The following KCNQ1OT1 variants were observed in gnomAD, a reference collection of about 807,000 sequenced individuals.
The protein encoded by KCNQ1OT1 is KCNQ1 opposite strand/antisense transcript 1.
Position 2,642,432 on chromosome 11 carries a change from CT to C in KCNQ1OT1, n.57562del, listed in dbSNP as rs1242610189. 7.5e-6 allele frequency: 3 copies of C among 398,000 alleles called. No individual in the cohort carries two copies. The highest frequency in any genetic ancestry group is 1.3e-5 in the Non-Finnish European group (3 of 225,764). 24.7% of individuals were successfully genotyped at this position (398,000 alleles called of 1,614,324 possible). On this transcript the variant is annotated non_coding_transcript_exon_variant, in exon 1 of 1. Transcript: ENST00000597346. The surrounding 1 kb of genome is among the most constrained non-coding windows in gnomAD (Gnocchi z 4.3). ...TCTTTATTGGTATATAGAAATAAGC[CT>C]GATTTTTAAATCCTGTAACTGTAAT...
chr11:2,621,532 G>A lies in KCNQ1OT1; in HGVS notation n.78463C>T, dbSNP rs1236515751. The A allele has an allele frequency of 1.8e-5, 7 of 398,336 alleles. No homozygotes were observed. Among genetic ancestry groups the A allele is most frequent in the Non-Finnish European group, 2.7e-5 (6 of 226,036 alleles). 24.7% of individuals were successfully genotyped at this position (398,336 alleles called of 1,614,324 possible). On this transcript the variant is annotated non_coding_transcript_exon_variant, in exon 1 of 1. Transcript: ENST00000597346. This position sits in a 1 kb window ranked among gnomAD's most constrained non-coding sequence, Gnocchi z 5.7. ...CTCTGTTGATAATTTCTTTTGCTAT[G>A]CAGAAGCTCTTTAGTTTACCACTGT...
In KCNQ1OT1 at chr11:2,645,917, T is replaced by C; in HGVS notation, n.54078A>G. On this transcript the variant is annotated non_coding_transcript_exon_variant, in exon 1 of 1. Coordinates refer to ENST00000597346, the Ensembl canonical transcript of KCNQ1OT1. This position sits in a 1 kb window ranked among gnomAD's most constrained non-coding sequence, Gnocchi z 5.8. ...AGCTGTTCATTGCCATTTCACAGTC[T>C]GTAGGTAGCCTCTTGTTAGTCTCAA... is the stretch of plus-strand genomic sequence containing the variant. 2.5e-6 allele frequency: 1 copy of C among 398,630 alleles called. No homozygotes were observed. The highest frequency in any genetic ancestry group is 3.6e-5 in the East Asian group (1 of 28,082). 24.7% of individuals were successfully genotyped at this position (398,630 alleles called of 1,614,324 possible). A position where few individuals can be genotyped will look rare whatever the true frequency, so the allele number is the denominator to read the frequency against.
At position 2,673,512 on chromosome 11, in the gene KCNQ1OT1, C is replaced by G. The variant is rs1188936951; in HGVS notation, n.26483G>C. Reference sequence around the variant, plus strand: ...TGCTCATCACAACCACTTGTTGATGCTGACAGCCTGTAGAAAGATTGCTCT... The same window carrying G: ...TGCTCATCACAACCACTTGTTGATGGTGACAGCCTGTAGAAAGATTGCTCT... On this transcript the variant is annotated non_coding_transcript_exon_variant, in exon 1 of 1. Transcript: ENST00000597346. This position sits in a 1 kb window ranked among gnomAD's most constrained non-coding sequence, Gnocchi z 4.5. 1 of 398,522 alleles carries G rather than the reference C, an allele frequency of 2.5e-6. No individual in the cohort carries two copies. The allele number at this position is 398,522 out of a possible 1,614,324, so 24.7% of individuals were successfully genotyped here. A position where few individuals can be genotyped will look rare whatever the true frequency, so the allele number is the denominator to read the frequency against.
rs1850584816 is a variant in KCNQ1OT1 at position 2,691,359 on chromosome 11, A to T, written n.8636T>A. On this transcript the variant is annotated non_coding_transcript_exon_variant, in exon 1 of 1. Transcript: ENST00000597346. The surrounding 1 kb of genome is among the most constrained non-coding windows in gnomAD (Gnocchi z 6.4). Reference sequence around the variant, plus strand: ...ACTTACAGTGACCACCCATCCTGACATCTTGGGCTCAGGCCTCTGGGTCTG... The same window carrying T: ...ACTTACAGTGACCACCCATCCTGACTTCTTGGGCTCAGGCCTCTGGGTCTG... 2.5e-6 allele frequency: 1 copy of T among 398,506 alleles called. No individual in the cohort carries two copies. Among genetic ancestry groups the T allele is most frequent in the Admixed American group, 4.4e-5 (1 of 22,710 alleles). The allele number at this position is 398,506 out of a possible 1,614,324, so 24.7% of individuals were successfully genotyped here.
chr11:2,660,134 G>T, exon 1 of KCNQ1OT1: 1 of 398,334 alleles, frequency 2.5e-6, no homozygotes, highest in East Asian at 3.6e-5. Flanking sequence ...AGGTCCTGGA[G>T]ATTTTCTCTT....
chr11:2,641,056 A>G, exon 1 of KCNQ1OT1: 1 of 398,294 alleles, frequency 2.5e-6, no homozygotes. Context: ...TTCTTTTTCC[A>G]TTTATCCACT....
rs536766478 is a variant in KCNQ1OT1, at chr11:2,642,456, A to C, written n.57539T>G. ...CCTGATTTTTAAATCCTGTAACTGTAATCAATTTATTGATCAGACTGAAGA... is the reference window on the plus strand; with the variant it reads ...CCTGATTTTTAAATCCTGTAACTGTCATCAATTTATTGATCAGACTGAAGA... On this transcript the variant is annotated non_coding_transcript_exon_variant, in exon 1 of 1. Transcript: ENST00000597346. This position sits in a 1 kb window ranked among gnomAD's most constrained non-coding sequence, Gnocchi z 4.3. The C allele has an allele frequency of 2.5e-6, 1 of 398,034 alleles. No homozygotes were observed. Among genetic ancestry groups the C allele is most frequent in the Non-Finnish European group, 4.4e-6 (1 of 225,728 alleles). 24.7% of individuals were successfully genotyped at this position (398,034 alleles called of 1,614,324 possible). A position where few individuals can be genotyped will look rare whatever the true frequency, so the allele number is the denominator to read the frequency against.
Position 2,621,019 on chromosome 11 carries a change from C to T in KCNQ1OT1, n.78976G>A. 2.5e-6 allele frequency: 1 copy of T among 396,632 alleles called. No individual in the cohort carries two copies. The highest frequency in any genetic ancestry group is 4.4e-6 in the Non-Finnish European group (1 of 225,744). The allele number at this position is 396,632 out of a possible 1,614,324, so 24.6% of individuals were successfully genotyped here. The stretch of plus-strand genomic sequence containing the variant: ...TTGAGAAAGAGTCTTGCTCTGTCTC[C>T]CAGGCTGGAGTGCAGTGGCGCAATC... On this transcript the variant is annotated non_coding_transcript_exon_variant, in exon 1 of 1. Transcript: ENST00000597346. This position sits in a 1 kb window ranked among gnomAD's most constrained non-coding sequence, Gnocchi z 5.7.
rs866082262 is a variant in KCNQ1OT1 at position 2,628,741 on chromosome 11, T to C, written n.71254A>G. 1.5e-4 allele frequency: 59 copies of C among 398,428 alleles called. 1 individual carries two copies. In the Middle Eastern group the frequency reaches 9.5e-3, roughly 64 times the overall value. 24.7% of individuals were successfully genotyped at this position (398,428 alleles called of 1,614,324 possible). On this transcript the variant is annotated non_coding_transcript_exon_variant, in exon 1 of 1. Coordinates refer to ENST00000597346, the Ensembl canonical transcript of KCNQ1OT1. ...AATGGCAAGGAGCTTTTCCCTGTTT[T>C]ATAGGTTTTATGGTTTCAGGTCATA...
At chr11:2,662,227 C>A in exon 1 of KCNQ1OT1, 1 of 1,052,702 alleles carries the variant, frequency 9.5e-7, no homozygotes, top group Non-Finnish European at 1.4e-6. Context: ...CTGGCCCCAA[C>A]ACGGAGGCAC....
At chr11:2,629,163 A>G (rs1289778795) in exon 1 of KCNQ1OT1, 3 of 398,180 alleles carry the variant, frequency 7.5e-6, no homozygotes, top group Non-Finnish European at 1.3e-5. Flanking sequence ...ATTGCCTTGA[A>G]TCTGTAGATC....
exon 1 of KCNQ1OT1, chr11:2,633,111 A>T: frequency 2.5e-6 from 1 of 398,482 alleles, no homozygotes; most frequent in East Asian, 3.6e-5. Context: ...AGCCATTCTA[A>T]CTGAGGTGAA....
At position 2,654,203 on chromosome 11, in the gene KCNQ1OT1, C is replaced by T. The variant is rs1229595443; in HGVS notation, n.45792G>A. ...GTGGGGCTGCGGCTCAGCAATGTCA[C>T]GCAGGGCCTGGCTGCAGCTGTCCGG... On this transcript the variant is annotated non_coding_transcript_exon_variant, in exon 1 of 1. Coordinates refer to ENST00000597346, the Ensembl canonical transcript of KCNQ1OT1. The surrounding 1 kb of genome is among the most constrained non-coding windows in gnomAD (Gnocchi z 6.4). 2.5e-5 allele frequency: 10 copies of T among 398,658 alleles called. No individual in the cohort carries two copies. The highest frequency in any genetic ancestry group is 1.8e-4 in the East Asian group (5 of 28,080). The allele number at this position is 398,658 out of a possible 1,614,324, so 24.7% of individuals were successfully genotyped here. A position where few individuals can be genotyped will look rare whatever the true frequency, so the allele number is the denominator to read the frequency against.
At chr11:2,644,926 C>T (rs1264396242) in exon 1 of KCNQ1OT1, 1 of 398,612 alleles carries the variant, frequency 2.5e-6, no homozygotes, top group Admixed American at 4.4e-5. Flanking sequence ...AGTCCTCAGG[C>T]CCCAGTGGCA....
At chr11:2,635,081 G>A (rs1259437965) in exon 1 of KCNQ1OT1, 2 of 152,028 alleles carry the variant, frequency 1.3e-5, no homozygotes, top group Admixed American at 1.3e-4. Flanking sequence ...CTGGATATTA[G>A]CCTTTTATCA....
exon 1 of KCNQ1OT1, chr11:2,646,956 T>C: frequency 2.5e-6 from 1 of 398,666 alleles, no homozygotes; most frequent in Non-Finnish European, 4.4e-6. Flanking sequence ...GACATTCTCT[T>C]TTCCAATTTG....
exon 1 of KCNQ1OT1, chr11:2,684,941 TC>T (rs1850458729): frequency 2.5e-6 from 1 of 398,688 alleles, no homozygotes; most frequent in Non-Finnish European, 4.4e-6. Flanking sequence ...CAGCATGTTA[TC>T]TTTGTACCTG....
exon 1 of KCNQ1OT1, chr11:2,655,735 A>G: frequency 1.0e-5 from 3 of 289,842 alleles, no homozygotes; most frequent in Non-Finnish European, 1.8e-5. Context: ...GGCTACGACC[A>G]CAGGTGAAAA....
exon 1 of KCNQ1OT1, chr11:2,631,218 G>A: frequency 2.5e-6 from 1 of 398,404 alleles, no homozygotes; most frequent in Non-Finnish European, 4.4e-6. Flanking sequence ...AATCCTGTGT[G>A]AACATTAACT....
Sources: allele counts gnomAD v4.1 joint callset, GRCh38; gene constraint gnomAD v4.1.1; non-coding constraint Gnocchi (gnomAD v3.1); transcripts MANE v1.5; gene names NCBI Gene and HGNC (gene_info 2026-07-23, HGNC 2026-07-21).